LPP: variants seen among roughly 807,000 people sequenced by gnomAD.
LPP encodes the protein LIM domain containing preferred translocation partner in lipoma.
LPP carries 38 observed loss-of-function variants against 60.4 expected under a neutral mutation model. The observed-to-expected ratio is 0.63, with a 90% CI of 0.49 to 0.83. The LOEUF (loss-of-function observed/expected upper bound fraction) is 0.83, where lower values mean the gene tolerates loss of function less well. LPP is among the 40% of genes least tolerant of loss of function. The probability of loss-of-function intolerance (pLI) is 0.00; values close to 1 mark genes in which losing one functional copy is unlikely to be tolerated. For synonymous variants in LPP, 328 were observed against 290.8 expected (o/e 1.13, Z -1.30); for missense variants, 902 against 783.6 (o/e 1.15, Z -1.80).
chr3:188,165,394 TTGG>T (rs1427901147), intron 1 of LPP, among the ~76,000 whole-genome samples: 3 of 152,026 alleles, frequency 2.0e-5, no homozygotes, highest in Admixed American at 6.6e-5. Context: ...GGGAATTTGT[TTGG>T]TGGGATAGAG....
chr3:188,619,206 G>T (rs1373809839), intron 7 of LPP, among the ~76,000 whole-genome samples: 1 of 152,058 alleles, frequency 6.6e-6, no homozygotes, highest in Non-Finnish European at 1.5e-5. Context: ...TGTATTTTTG[G>T]TAGAGACGGG....
At chr3:188,245,695 G>A (rs79280169) in intron 2 of LPP, among the ~76,000 whole-genome samples, 1,801 of 150,442 alleles carry the variant, frequency 0.012, 27 homozygotes, top group African/African-American at 0.042. Flanking sequence ...GCATTTGTGT[G>A]TGCCCTGCTT....
intron 9 of LPP, among the ~76,000 whole-genome samples, chr3:188,768,218 T>C (rs1452912630): frequency 6.6e-6 from 1 of 152,084 alleles, no homozygotes; most frequent in Admixed American, 6.5e-5. Context: ...AGTTTTCAGA[T>C]CTCCAAAGAA....
At position 188,296,137 on chromosome 3, in the gene LPP, A is replaced by G. The variant is rs563002376; in HGVS notation, c.-66-45526A>G. On this transcript the variant is annotated intron_variant, in intron 2 of 11. Coordinates refer to ENST00000617246, the MANE Select transcript of LPP (RefSeq NM_001375462.1). ...AATGCTCTTCGTTTCATGCCGGCAC[A>G]TAATAAGTTCCCACTAAATGTTTAA... Among the ~76,000 whole-genome samples, 7 of 152,330 alleles carry G rather than the reference A, an allele frequency of 4.6e-5. No individual in the cohort carries two copies. The South Asian group carries it at 6.2e-4, about 14-fold the overall frequency.
chr3:188,544,847 A>T (rs1210664752), intron 6 of LPP, among the ~76,000 whole-genome samples: 1 of 18,076 alleles, frequency 5.5e-5, no homozygotes, highest in African/African-American at 2.4e-4. Context: ...AAGACTTGGA[A>T]CCAACCCAAA....
chr3:188,506,859 G>A (rs1039637358), intron 5 of LPP, among the ~76,000 whole-genome samples: 8 of 151,808 alleles, frequency 5.3e-5, no homozygotes, highest in East Asian at 1.9e-4. Flanking sequence ...GTGCAGTGGC[G>A]CAATCTCGGC....
chr3:188,858,122 T>G (rs1764274644), intron 9 of LPP, among the ~76,000 whole-genome samples: 1 of 152,224 alleles, frequency 6.6e-6, no homozygotes, highest in Non-Finnish European at 1.5e-5. Flanking sequence ...TCACTAATTC[T>G]CTTACTATAA....
At chr3:188,334,587 C>G (rs148998826) in intron 2 of LPP, among the ~76,000 whole-genome samples, 7 of 151,968 alleles carry the variant, frequency 4.6e-5, no homozygotes, top group African/African-American at 1.7e-4. Flanking sequence ...CGCGCTACCA[C>G]GCCCGGCTAA....
At chr3:188,248,905 C>T (rs61589797) in intron 2 of LPP, among the ~76,000 whole-genome samples, 2,590 of 152,228 alleles carry the variant, frequency 0.017, 68 homozygotes, top group African/African-American at 0.056. Context: ...TAAACTTGCT[C>T]TTTCTAAAAG....
Position 188,889,324 on chromosome 3 carries a change from G to A in LPP, c.*14845G>A. The A allele has an allele frequency of 4.3e-6, 1 of 231,850 alleles. No individual in the cohort carries two copies. The highest frequency in any genetic ancestry group is 8.5e-6 in the Non-Finnish European group (1 of 117,118). The allele number at this position is 231,850 out of a possible 1,614,324, so 14.4% of individuals were successfully genotyped here. On this transcript the variant is annotated 3_prime_UTR_variant, in exon 12 of 12. Coordinates refer to ENST00000617246, the MANE Select transcript of LPP (RefSeq NM_001375462.1). ...TACCCAGAGGTGGCAATAGGAGAGG[G>A]TCCATGTAAATAGGACGAGGTAGAC...
intron 9 of LPP, among the ~76,000 whole-genome samples, chr3:188,763,181 CT>C (rs1732969048): frequency 6.6e-6 from 1 of 151,958 alleles, no homozygotes; most frequent in African/African-American, 2.4e-5. Flanking sequence ...CTGTTGAAAA[CT>C]GATGTCTAAA....
rs548909810 is a variant in LPP, at chr3:188,406,179, C to G, written c.59C>G (p.Pro20Arg). 8 of 1,614,158 alleles carry G rather than the reference C, an allele frequency of 5.0e-6. No individual in the cohort carries two copies. In the South Asian group the frequency reaches 8.8e-5, roughly 18 times the overall value. Residue 20 changes from proline to arginine, a missense_variant, in exon 4 of 12, where the codon CCT (proline) becomes CGT (arginine). Transcript: ENST00000617246. The stretch of plus-strand genomic sequence containing the variant: ...ACTGGTGAGCCCCTCGGCCATGTGC[C>G]TGCACGGATGGAGACCACCCATTCC... ...KSTGEPLGHV[P>R]ARMETTHSFG...
chr3:188,562,399 C>T (rs1371164098), intron 6 of LPP: 1 of 151,984 alleles, frequency 6.6e-6, no homozygotes, highest in African/African-American at 2.4e-5. Flanking sequence ...AGTAATAGAT[C>T]CTTATTTGTT....
chr3:188,694,992 T>A (rs555410617), intron 7 of LPP, among the ~76,000 whole-genome samples: 1 of 152,318 alleles, frequency 6.6e-6, no homozygotes, highest in East Asian at 1.9e-4. Flanking sequence ...CGGTTAAGCA[T>A]CCCTTTCTGG....
chr3:188,566,929 A>G (rs1303326946), intron 6 of LPP, among the ~76,000 whole-genome samples: 11 of 151,944 alleles, frequency 7.2e-5, no homozygotes, highest in Non-Finnish European at 2.9e-5. Context: ...TAGAAAACTT[A>G]AAAGCAAAAT....
intron 8 of LPP, among the ~76,000 whole-genome samples, chr3:188,737,059 A>G (rs945781773): frequency 6.6e-6 from 1 of 152,188 alleles, no homozygotes; most frequent in Non-Finnish European, 1.5e-5. Flanking sequence ...ACCTTAAAAT[A>G]TAAACGGAGT....
intron 1 of LPP, among the ~76,000 whole-genome samples, chr3:188,183,097 C>T (rs1725600447): frequency 6.6e-6 from 1 of 152,188 alleles, no homozygotes; most frequent in African/African-American, 2.4e-5. Flanking sequence ...ACACACTTCA[C>T]ATTACCTGAG....
chr3:188,755,864 A>C (rs1429568966), intron 8 of LPP, among the ~76,000 whole-genome samples: 3 of 126,450 alleles, frequency 2.4e-5, no homozygotes, highest in African/African-American at 3.0e-5. Flanking sequence ...AAAAAAAAAA[A>C]ACAAAGAAAA....
intron 3 of LPP, among the ~76,000 whole-genome samples, chr3:188,347,825 A>G (rs574486430): frequency 6.6e-6 from 1 of 152,348 alleles, no homozygotes; most frequent in Middle Eastern, 3.4e-3. Flanking sequence ...GAGTTTCTCA[A>G]TGGCAGTACC....
Sources: gnomAD v4.1 joint callset for allele counts (sites outside exome capture counted in the v4.1 genomes callset) on GRCh38, gnomAD v4.1.1 for gene constraint, MANE v1.5 for transcripts, NCBI Gene and HGNC (gene_info 2026-07-23, HGNC 2026-07-21) for gene names.